NCAPG2: variants seen among roughly 807,000 people sequenced by gnomAD.
The protein encoded by NCAPG2 is non-SMC condensin II complex subunit G2, also known as condensin-2 complex subunit G2.
NCAPG2 carries 53 observed loss-of-function variants against 141.1 expected under a neutral mutation model. The ratio of observed to expected loss-of-function variants is 0.38; its 90% CI spans 0.30 to 0.47. NCAPG2 has a LOEUF of 0.47. Among genes scored for constraint, NCAPG2 ranks in the 20% least tolerant of loss-of-function variants. The pLI is 0.99. For synonymous variants in NCAPG2, 499 were observed against 490.7 expected, an observed-to-expected ratio of 1.02 and a Z score of -0.22; for missense variants, 1,087 against 1,389.0, an observed-to-expected ratio of 0.78 and a Z score of 3.46.
At chr7:158,635,868 T>C (rs1425415787) in intron 27 of NCAPG2, among the ~76,000 whole-genome samples, 1 of 152,260 alleles carries the variant, frequency 6.6e-6, no homozygotes, top group Non-Finnish European at 1.5e-5. Flanking sequence ...TGCTTTAATG[T>C]CTCTAGTCCA....
intron 13 of NCAPG2, among the ~76,000 whole-genome samples, chr7:158,670,298 G>GC (rs1833603856): frequency 1.3e-5 from 2 of 152,292 alleles, no homozygotes; most frequent in South Asian, 4.1e-4. Flanking sequence ...GGGCACGGTG[G>GC]CTCACACCTG....
intron 2 of NCAPG2, among the ~76,000 whole-genome samples, chr7:158,695,282 G>A (rs2123656): frequency 6.6e-6 from 1 of 152,100 alleles, no homozygotes; most frequent in Non-Finnish European, 1.5e-5. Context: ...GCACAGAAAC[G>A]AATCAGGACC....
At chr7:158,695,785 G>A (rs1040643643) in intron 2 of NCAPG2, among the ~76,000 whole-genome samples, 4 of 152,272 alleles carry the variant, frequency 2.6e-5, no homozygotes, top group African/African-American at 9.6e-5. Context: ...AAGCCCAGCA[G>A]TTAGAAAGAA....
intron 2 of NCAPG2, among the ~76,000 whole-genome samples, chr7:158,694,570 C>A (rs987491949): frequency 2.0e-5 from 3 of 152,024 alleles, no homozygotes; most frequent in African/African-American, 7.2e-5. Context: ...CAGTTCCTGC[C>A]AAAATGCACA....
chr7:158,646,510 T>C lies in NCAPG2; in HGVS notation c.3129A>G (p.Pro1043=), dbSNP rs1310362050. The C allele has an allele frequency of 1.2e-5, 19 of 1,585,430 alleles. No individual in the cohort carries two copies. Among genetic ancestry groups the C allele is most frequent in the Non-Finnish European group, 1.6e-5 (19 of 1,172,694 alleles). ...TPPEHLSDLP[P]FSRCLIGIII... The stretch of plus-strand genomic sequence containing the variant: ...TTATTCCTATTAAACACCTTGAAAA[T>C]GGTGGAAGATCAGAAAGATGCTCTG... Residue 1043 remains proline (P), a synonymous_variant, in exon 25 of 28, where the codon CCA becomes CCG. Transcript: ENST00000356309.
intron 13 of NCAPG2, among the ~76,000 whole-genome samples, chr7:158,666,637 G>A (rs1011480058): frequency 2.0e-5 from 3 of 151,468 alleles, no homozygotes; most frequent in Non-Finnish European, 4.4e-5. Flanking sequence ...AATAGAAGTA[G>A]ACTTATTGGC....
In NCAPG2 at chr7:158,662,234, T is replaced by C. The variant is rs1237394699; in HGVS notation, c.1949A>G (p.Lys650Arg). 1 of 1,609,616 alleles carries C rather than the reference T, an allele frequency of 6.2e-7. No individual in the cohort carries two copies. ...NKEAKLYTIN[K>R]FASVLPEYLK... The stretch of plus-strand genomic sequence containing the variant: ...ATACTCTGGAAGCACAGAGGCAAAC[T>C]TGTTAATCGTGTAAAGTTTGGCCTC... The change falls in exon 16 of 28, where the codon AAG (lysine) becomes AGG (arginine). Residue 650 changes from lysine to arginine, a missense_variant. By Grantham distance (26) the Lys-to-Arg change is conservative. Coordinates refer to ENST00000356309, the MANE Select transcript of NCAPG2 (RefSeq NM_017760.7).
chr7:158,673,119 C>T (rs1427039162), intron 12 of NCAPG2, among the ~76,000 whole-genome samples: 4 of 152,156 alleles, frequency 2.6e-5, no homozygotes. Flanking sequence ...AGGTGAACCT[C>T]AGACACCAGG....
At chr7:158,663,183 G>C (rs1832656757) in intron 15 of NCAPG2, among the ~76,000 whole-genome samples, 1 of 152,150 alleles carries the variant, frequency 6.6e-6, no homozygotes, top group Non-Finnish European at 1.5e-5. Context: ...GGCCTGTCAC[G>C]CAACTCTAAC....
intron 8 of NCAPG2, among the ~76,000 whole-genome samples, chr7:158,685,669 A>G (rs909768028): frequency 2.0e-5 from 3 of 152,152 alleles, no homozygotes; most frequent in Non-Finnish European, 4.4e-5. Flanking sequence ...AAGTCTGTAC[A>G]TGTTAAGTAC....
At chr7:158,684,105 T>A (rs1040987859) in intron 8 of NCAPG2, among the ~76,000 whole-genome samples, 2 of 152,212 alleles carry the variant, frequency 1.3e-5, no homozygotes, top group Non-Finnish European at 2.9e-5. Flanking sequence ...GATGCTCAAG[T>A]TCCTCTTCCC....
At chr7:158,638,118 T>G (rs1486308558) in intron 27 of NCAPG2, among the ~76,000 whole-genome samples, 1 of 152,144 alleles carries the variant, frequency 6.6e-6, no homozygotes, top group African/African-American at 2.4e-5. Context: ...CACTACAGCC[T>G]GCATAACAGA....
intron 2 of NCAPG2, among the ~76,000 whole-genome samples, chr7:158,695,225 G>A (rs914990025): frequency 2.0e-5 from 3 of 152,134 alleles, no homozygotes; most frequent in African/African-American, 7.2e-5. Flanking sequence ...TGACTGGGCT[G>A]ATTCATGACG....
At chr7:158,669,258 T>G (rs1322355650) in intron 13 of NCAPG2, among the ~76,000 whole-genome samples, 1 of 152,182 alleles carries the variant, frequency 6.6e-6, no homozygotes, top group Non-Finnish European at 1.5e-5. Context: ...TATAATAAAA[T>G]GATTTATATT....
At chr7:158,661,355 C>A (rs1832489207) in intron 16 of NCAPG2, among the ~76,000 whole-genome samples, 1 of 152,042 alleles carries the variant, frequency 6.6e-6, no homozygotes, top group South Asian at 2.1e-4. Context: ...ATGCTGTTGG[C>A]CTATTTTTAA....
intron 16 of NCAPG2, among the ~76,000 whole-genome samples, chr7:158,659,758 G>T (rs1416188196): frequency 6.6e-6 from 1 of 152,020 alleles, no homozygotes; most frequent in East Asian, 1.9e-4. Flanking sequence ...ATTTGATTAG[G>T]AATTAATTTG....
At chr7:158,663,780 A>AAC (rs1323033159) in intron 15 of NCAPG2, among the ~76,000 whole-genome samples, 1 of 152,244 alleles carries the variant, frequency 6.6e-6, no homozygotes, top group Admixed American at 6.5e-5. Context: ...CTAAGTCTTA[A>AAC]ACGTTATTTT....
chr7:158,654,997 C>A, intron 21 of NCAPG2, 121 bp downstream of exon 21: 1 of 1,228,820 alleles, frequency 8.1e-7, no homozygotes. Context: ...AGATAAATGT[C>A]CCTGTAAGTT....
At chr7:158,686,574 G>A (rs1834768551) in intron 7 of NCAPG2, among the ~76,000 whole-genome samples, 1 of 152,166 alleles carries the variant, frequency 6.6e-6, no homozygotes, top group South Asian at 2.1e-4. Context: ...TGTCGACTTG[G>A]AGTCACGTTG....
Sources: allele counts gnomAD v4.1 joint callset (sites outside exome capture counted in the v4.1 genomes callset), GRCh38; gene constraint gnomAD v4.1.1; transcripts MANE v1.5; gene names NCBI Gene and HGNC (gene_info 2026-07-23, HGNC 2026-07-21).